The following MVB12B variants were observed in gnomAD, a reference collection of about 807,000 sequenced individuals.
MVB12B encodes the protein multivesicular body subunit 12B.
MVB12B carries 16 observed loss-of-function variants against 41.6 expected under a neutral mutation model. That is an observed-to-expected ratio of 0.38 (90% confidence interval 0.26 to 0.58). The LOEUF is 0.58. Among genes scored for constraint, MVB12B ranks in the 20% least tolerant of loss-of-function variants. The pLI is 0.62. For synonymous variants in MVB12B, 133 were observed against 139.7 expected (o/e 0.95, Z 0.34); for missense variants, 274 against 380.2 (o/e 0.72, Z 2.32).
Position 126,503,319 on chromosome 9 carries a change from G to A in MVB12B, c.*56G>A, listed in dbSNP as rs1461127591. 6 of 1,432,914 alleles carry A rather than the reference G, an allele frequency of 4.2e-6. No homozygotes were observed. The African/African-American group carries it at 5.7e-5, about 14-fold the overall frequency. The allele number at this position is 1,432,914 out of a possible 1,614,324, so 88.8% of individuals were successfully genotyped here. A position where few individuals can be genotyped will look rare whatever the true frequency, so the allele number is the denominator to read the frequency against. ...CGCCGCCCAGACTACTGACGGCAGG[G>A]GCTGCTGCCCCCGCCTCCTCCTGCC... On this transcript the variant is annotated 3_prime_UTR_variant, in exon 10 of 10. Coordinates refer to ENST00000361171, the MANE Select transcript of MVB12B (RefSeq NM_033446.3).
At position 126,389,179 on chromosome 9, in the gene MVB12B, G is replaced by T. The variant is rs1830878270; in HGVS notation, c.409+2521G>T. ...ATCGGTCCTGGGCCCAATGCCAGGTGCCTTGTCACACAGGAGGGTGGGCAG... is the reference window on the plus strand; with the variant it reads ...ATCGGTCCTGGGCCCAATGCCAGGTTCCTTGTCACACAGGAGGGTGGGCAG... On this transcript the variant is annotated intron_variant, in intron 4 of 9. Coordinates refer to ENST00000361171, the MANE Select transcript of MVB12B (RefSeq NM_033446.3). The surrounding 1 kb of genome is among the most constrained non-coding windows in gnomAD (Gnocchi z 4.4). 6.6e-6 allele frequency among the ~76,000 whole-genome samples: 1 copy of T among 152,180 alleles called. No individual in the cohort carries two copies. Among genetic ancestry groups the T allele is most frequent in the Non-Finnish European group, 1.5e-5 (1 of 68,028 alleles).
At chr9:126,421,442 G>C (rs1040370470) in intron 6 of MVB12B, among the ~76,000 whole-genome samples, 1 of 152,216 alleles carries the variant, frequency 6.6e-6, no homozygotes, top group Non-Finnish European at 1.5e-5. Context: ...TGCGGTGTAG[G>C]AATGGAAGCA....
chr9:126,338,575 T>TAAA (rs34003566), intron 1 of MVB12B, among the ~76,000 whole-genome samples: 7 of 146,410 alleles, frequency 4.8e-5, no homozygotes, highest in Non-Finnish European at 6.0e-5. Flanking sequence ...CATACTATCT[T>TAAA]AAAAAAAAAA....
chr9:126,461,373 A>AT (rs923576307), intron 7 of MVB12B, among the ~76,000 whole-genome samples: 90 of 150,950 alleles, frequency 6.0e-4, no homozygotes, highest in South Asian at 8.4e-4. Flanking sequence ...CACTATATAT[A>AT]AAAAAAAAAA....
intron 9 of MVB12B, among the ~76,000 whole-genome samples, chr9:126,496,864 GC>G (rs1313380365): frequency 1.3e-5 from 2 of 152,082 alleles, no homozygotes; most frequent in Non-Finnish European, 2.9e-5. Flanking sequence ...GAAGGTGAGG[GC>G]GCTCTCCAGG....
At chr9:126,356,766 G>C (rs1331796802) in intron 2 of MVB12B, among the ~76,000 whole-genome samples, 1 of 151,944 alleles carries the variant, frequency 6.6e-6, no homozygotes, top group Admixed American at 6.6e-5. Flanking sequence ...GAGAGTTCTC[G>C]AGAGACCTGA....
chr9:126,428,533 ATAAACT>A (rs1051864218), intron 7 of MVB12B, among the ~76,000 whole-genome samples: 3 of 152,144 alleles, frequency 2.0e-5, no homozygotes, highest in African/African-American at 4.8e-5. Flanking sequence ...GAAATTGAAA[ATAAACT>A]TAATACTTTA....
At position 126,395,705 on chromosome 9, in the gene MVB12B, C is replaced by T; in HGVS notation, c.662+8C>T. ...AGCCCCCAACCTTCCCAGGTGAGGC[C>T]TTGTCGGGGTGTCTTGCGTTGTCCT... On this transcript the variant is annotated splice_region_variant and intron_variant, in intron 6 of 9. Transcript: ENST00000361171. This position sits in a 1 kb window ranked among gnomAD's most constrained non-coding sequence, Gnocchi z 4.9. 1 of 1,613,896 alleles carries T rather than the reference C, an allele frequency of 6.2e-7. No homozygotes were observed. Among genetic ancestry groups the T allele is most frequent in the Non-Finnish European group, 8.5e-7 (1 of 1,179,884 alleles).
intron 7 of MVB12B, among the ~76,000 whole-genome samples, chr9:126,438,834 A>G (rs1292283770): frequency 4.6e-5 from 7 of 152,324 alleles, no homozygotes; most frequent in African/African-American, 7.2e-5. Flanking sequence ...CCTGTTTACA[A>G]AAGAGCCCAT....
intron 7 of MVB12B, among the ~76,000 whole-genome samples, chr9:126,450,382 C>T (rs1162934224): frequency 6.6e-6 from 1 of 152,220 alleles, no homozygotes; most frequent in Admixed American, 6.5e-5. Context: ...ATTGGGGTGA[C>T]ACAGATGGCA....
At chr9:126,432,148 A>G (rs1832346652) in intron 7 of MVB12B, among the ~76,000 whole-genome samples, 1 of 152,198 alleles carries the variant, frequency 6.6e-6, no homozygotes. Context: ...CAACTTTCTG[A>G]TACCTTTCTC....
chr9:126,377,532 T>C (rs1588121868), intron 2 of MVB12B, among the ~76,000 whole-genome samples: 1 of 152,106 alleles, frequency 6.6e-6, no homozygotes, highest in Non-Finnish European at 1.5e-5. Context: ...GTTACCTTAT[T>C]TGGGTAGCTG....
chr9:126,379,224 T>G (rs534920142), intron 2 of MVB12B, among the ~76,000 whole-genome samples: 1 of 152,360 alleles, frequency 6.6e-6, no homozygotes, highest in South Asian at 2.1e-4. Context: ...ATTCTGAAAT[T>G]GGGATGCATC....
At chr9:126,331,266 G>C (rs895845474) in intron 1 of MVB12B, among the ~76,000 whole-genome samples, 1 of 152,128 alleles carries the variant, frequency 6.6e-6, no homozygotes, top group Non-Finnish European at 1.5e-5. Context: ...ACATGCTTGC[G>C]AACAGTTATT....
chr9:126,482,703 A>T (rs1181415408), intron 8 of MVB12B, among the ~76,000 whole-genome samples: 1 of 152,008 alleles, frequency 6.6e-6, no homozygotes, highest in Non-Finnish European at 1.5e-5. Context: ...AGAGCACCAC[A>T]CTGTTCCGTG....
chr9:126,444,284 G>A (rs1460141432), intron 7 of MVB12B, among the ~76,000 whole-genome samples: 1 of 152,004 alleles, frequency 6.6e-6, no homozygotes, highest in Non-Finnish European at 1.5e-5. Flanking sequence ...ATGACAAATT[G>A]TCCCCCGTAA....
chr9:126,425,911 C>T (rs997170153), intron 7 of MVB12B, among the ~76,000 whole-genome samples: 9 of 152,188 alleles, frequency 5.9e-5, no homozygotes, highest in African/African-American at 1.9e-4. Flanking sequence ...AACTAAAGCC[C>T]ATGGCCCAAT....
intron 2 of MVB12B, among the ~76,000 whole-genome samples, chr9:126,369,957 T>C (rs2118921803): frequency 6.6e-6 from 1 of 152,176 alleles, no homozygotes; most frequent in East Asian, 1.9e-4. Flanking sequence ...CCAGCCAGCA[T>C]GTTTTTTTTT....
At chr9:126,457,650 C>T (rs867436563) in intron 7 of MVB12B, among the ~76,000 whole-genome samples, 2 of 152,050 alleles carry the variant, frequency 1.3e-5, no homozygotes, top group Admixed American at 6.5e-5. Context: ...TGTGAGGATG[C>T]GGTTGCCAGT....
Sources: gnomAD v4.1 joint callset for allele counts (sites outside exome capture counted in the v4.1 genomes callset) on GRCh38, gnomAD v4.1.1 for gene constraint, Gnocchi (gnomAD v3.1) non-coding constraint, MANE v1.5 for transcripts, NCBI Gene and HGNC (gene_info 2026-07-23, HGNC 2026-07-21) for gene names.